Variants in RTKN2 observed in about 807,000 individuals in gnomAD.
The protein encoded by RTKN2 is rhotekin-2.
In RTKN2, 69 loss-of-function variants were observed where a neutral mutation model predicts 71.5. The observed-to-expected ratio is 0.96, with a 90% CI of 0.79 to 1.18. The LOEUF (loss-of-function observed/expected upper bound fraction) is 1.18. Among genes scored for constraint, RTKN2 ranks in the 50% most tolerant of loss-of-function variants. The pLI is 0.00. For synonymous variants in RTKN2, 236 were observed against 236.5 expected (o/e 1.00, Z 0.02); for missense variants, 724 against 719.7 (o/e 1.01, Z -0.07).
rs370081638 is a variant in RTKN2, at chr10:62,205,010, G to C, written c.1033C>G (p.Arg345Gly). The change falls in exon 10 of 12, where the codon CGG (arginine) becomes GGG (glycine). Residue 345 changes from arginine to glycine, a missense_variant. Physicochemically the swap from Arg to Gly is moderately radical, Grantham distance 125. Transcript: ENST00000373789. ...VVPINKETRI[R>G]AMDKDAKKRI... ...TTCTTGGCATCCTTATCCATTGCCC[G>C]GATTCTGGTTTCCTAAAAATTAAGA... 6.3e-7 allele frequency: 1 copy of C among 1,578,918 alleles called. No homozygotes were observed.
At chr10:62,236,617 T>C (rs1489172612) in intron 5 of RTKN2, among the ~76,000 whole-genome samples, 1 of 152,014 alleles carries the variant, frequency 6.6e-6, no homozygotes, top group African/African-American at 2.4e-5. Context: ...CCTTGTGAAG[T>C]TATCTGCACT....
chr10:62,214,022 A>G (rs1841716255), intron 9 of RTKN2, among the ~76,000 whole-genome samples: 1 of 152,050 alleles, frequency 6.6e-6, no homozygotes, highest in South Asian at 2.1e-4. Context: ...ATTCAAAGGA[A>G]GCCTGAAGTA....
At chr10:62,244,046 G>A (rs1331379541) in intron 3 of RTKN2, among the ~76,000 whole-genome samples, 2 of 152,166 alleles carry the variant, frequency 1.3e-5, no homozygotes, top group Non-Finnish European at 2.9e-5. Flanking sequence ...GACCTGGCCA[G>A]GGAGTGATGT....
chr10:62,245,951 A>G (rs761565378), intron 3 of RTKN2, 48 bp downstream of exon 3: 1 of 1,152,992 alleles, frequency 8.7e-7, no homozygotes, highest in South Asian at 1.4e-5. Flanking sequence ...CCATGTAGTT[A>G]CGTTATAGAA....
chr10:62,228,093 A>G (rs1180560134), intron 6 of RTKN2, among the ~76,000 whole-genome samples: 1 of 152,246 alleles, frequency 6.6e-6, no homozygotes, highest in Non-Finnish European at 1.5e-5. Context: ...GCAACTGGAT[A>G]TATGAGTCTG....
chr10:62,216,347 CA>C (rs1841768890), intron 9 of RTKN2, among the ~76,000 whole-genome samples: 1 of 151,814 alleles, frequency 6.6e-6, no homozygotes. Context: ...AGCCCACAGG[CA>C]AAAACCATGA....
At chr10:62,231,224 C>A (rs111450958) in intron 6 of RTKN2, among the ~76,000 whole-genome samples, 26 of 152,140 alleles carry the variant, frequency 1.7e-4, no homozygotes, top group African/African-American at 5.8e-4. Context: ...AGTTTTCACA[C>A]GATGATTGCT....
chr10:62,261,395 G>A (rs1329541362), intron 2 of RTKN2, among the ~76,000 whole-genome samples: 30 of 152,052 alleles, frequency 2.0e-4, no homozygotes, highest in African/African-American at 7.0e-4. Context: ...TAATCCCAGC[G>A]CTCTGGGAGG....
Position 62,197,147 on chromosome 10 carries a change from A to G in RTKN2, c.*761T>C. 2.0e-6 allele frequency: 2 copies of G among 985,444 alleles called. No homozygotes were observed. Among genetic ancestry groups the G allele is most frequent in the Non-Finnish European group, 2.4e-6 (2 of 829,790 alleles). The allele number at this position is 985,444 out of a possible 1,614,324, so 61.0% of individuals were successfully genotyped here. The stretch of plus-strand genomic sequence containing the variant: ...GTTGATCAGCTACTCACTTCCCTAA[A>G]TTCCAAAGTCACAATGGAAATTAGC... On this transcript the variant is annotated 3_prime_UTR_variant, in exon 12 of 12. Coordinates refer to ENST00000373789, the MANE Select transcript of RTKN2 (RefSeq NM_145307.4).
intron 9 of RTKN2, among the ~76,000 whole-genome samples, chr10:62,209,395 GTGTGTGTGTT>G (rs1219216527): frequency 3.3e-5 from 5 of 151,900 alleles, no homozygotes; most frequent in Non-Finnish European, 7.4e-5. Context: ...TGGTGTGTGT[GTGTGTGTGTT>G]TGAAGTGGGG....
intron 2 of RTKN2, 88 bp downstream of exon 2, chr10:62,262,537 G>A: frequency 1.2e-6 from 1 of 865,656 alleles, no homozygotes; most frequent in African/African-American, 1.7e-5. Context: ...TTGGTGATTT[G>A]ACATTGGTAC....
At chr10:62,220,527 T>C (rs1037740512) in intron 7 of RTKN2, among the ~76,000 whole-genome samples, 4 of 152,176 alleles carry the variant, frequency 2.6e-5, no homozygotes, top group African/African-American at 9.7e-5. Flanking sequence ...GTTCTAAAAA[T>C]CTGTAAGTTA....
intron 10 of RTKN2, 117 bp downstream of exon 10, chr10:62,204,740 T>C: frequency 1.5e-6 from 1 of 661,662 alleles, no homozygotes; most frequent in South Asian, 2.5e-5. Context: ...ACTACCATTC[T>C]TTCAAGAACA....
intron 6 of RTKN2, among the ~76,000 whole-genome samples, chr10:62,230,807 A>G (rs554511735): frequency 1.1e-4 from 16 of 152,216 alleles, no homozygotes; most frequent in Non-Finnish European, 2.1e-4. Flanking sequence ...TATTGGCTTT[A>G]TAACTCATTA....
Position 62,217,185 on chromosome 10 carries a change from T to C in RTKN2, c.953A>G (p.Tyr318Cys). ...AATTTCCTCTGGACTGTAAAAACAA[T>C]AGAGTTTACCTCCTCGCAAAACACA... is the stretch of plus-strand genomic sequence containing the variant. ...LYCVLRGGKL[Y>C]CFYSPEEIEA... The change falls in exon 9 of 12, where the codon TAT (tyrosine) becomes TGT (cysteine). Residue 318 changes from tyrosine to cysteine, a missense_variant. By Grantham distance (194) the Tyr-to-Cys change is radical. Coordinates refer to ENST00000373789, the MANE Select transcript of RTKN2 (RefSeq NM_145307.4). 6.2e-7 allele frequency: 1 copy of C among 1,604,470 alleles called. No individual in the cohort carries two copies. Among genetic ancestry groups the C allele is most frequent in the East Asian group, 2.2e-5 (1 of 44,552 alleles).
downstream of RTKN2, among the ~76,000 whole-genome samples, chr10:62,191,737 G>A (rs1461391305): frequency 6.6e-6 from 1 of 152,136 alleles, no homozygotes; most frequent in Non-Finnish European, 1.5e-5. Context: ...CCCCAATAGT[G>A]CCAAATATAG....
intron 5 of RTKN2, chr10:62,238,466 T>C (rs1460429819): frequency 1.3e-5 from 2 of 151,664 alleles, no homozygotes; most frequent in Admixed American, 1.3e-4. Flanking sequence ...AAACAAACAA[T>C]AGCAAAATGA....
intron 6 of RTKN2, among the ~76,000 whole-genome samples, chr10:62,226,560 C>T (rs187135074): frequency 1.9e-4 from 29 of 152,286 alleles, no homozygotes; most frequent in Admixed American, 9.2e-4. Flanking sequence ...AGTACATTTT[C>T]GAGTTACATT....
Position 62,196,846 on chromosome 10 carries a change from C to T in RTKN2, c.*1062G>A, listed in dbSNP as rs1841341935. Reference sequence around the variant, plus strand: ...TTTGTTCCTTTAAGGTATTTTTCTGCTATTTATTCCTCACTTGACTTTATA... The same window carrying T: ...TTTGTTCCTTTAAGGTATTTTTCTGTTATTTATTCCTCACTTGACTTTATA... On this transcript the variant is annotated 3_prime_UTR_variant, in exon 12 of 12. Transcript: ENST00000373789. 2.0e-6 allele frequency: 2 copies of T among 979,010 alleles called. No homozygotes were observed. The highest frequency in any genetic ancestry group is 1.8e-5 in the African/African-American group (1 of 57,100). 60.6% of individuals were successfully genotyped at this position (979,010 alleles called of 1,614,324 possible). A position where few individuals can be genotyped will look rare whatever the true frequency, so the allele number is the denominator to read the frequency against.
Sources: gnomAD v4.1 joint callset for allele counts (sites outside exome capture counted in the v4.1 genomes callset) on GRCh38, gnomAD v4.1.1 for gene constraint, MANE v1.5 for transcripts, NCBI Gene and HGNC (gene_info 2026-07-23, HGNC 2026-07-21) for gene names.